SPON1: variants seen among roughly 807,000 people sequenced by gnomAD.
The protein encoded by SPON1 is spondin-1.
Under a neutral mutation model 111.7 loss-of-function variants are expected in SPON1, and 52 were observed. The observed-to-expected ratio is 0.47, with a 90% confidence interval of 0.37 to 0.59. The LOEUF is 0.59. SPON1 is among the 20% of genes least tolerant of loss of function. The pLI is 0.00. For synonymous variants in SPON1, 410 were observed against 395.8 expected (o/e 1.04, Z -0.43); for missense variants, 957 against 1,068.5 (o/e 0.90, Z 1.46).
At chr11:14,186,942 C>T (rs555860254) in intron 6 of SPON1, among the ~76,000 whole-genome samples, 1 of 152,274 alleles carries the variant, frequency 6.6e-6, no homozygotes, top group East Asian at 1.9e-4. Flanking sequence ...TATTATTAGT[C>T]CACTTTGCAT....
chr11:14,265,067 C>A (rs1274561601), intron 15 of SPON1, among the ~76,000 whole-genome samples: 1 of 152,180 alleles, frequency 6.6e-6, no homozygotes, highest in Non-Finnish European at 1.5e-5. Flanking sequence ...AGTTTGGACT[C>A]ATTCATGTGG....
At chr11:14,195,435 C>G (rs1215605856) in intron 6 of SPON1, among the ~76,000 whole-genome samples, 1 of 152,122 alleles carries the variant, frequency 6.6e-6, no homozygotes, top group Non-Finnish European at 1.5e-5. Flanking sequence ...AGGACAAAAG[C>G]TGGAATTATT....
At chr11:14,137,036 C>A (rs1554928165) in intron 6 of SPON1, among the ~76,000 whole-genome samples, 2 of 152,138 alleles carry the variant, frequency 1.3e-5, no homozygotes, top group African/African-American at 4.8e-5. Context: ...CCTTTTGTTA[C>A]AAATAGTAGT....
intron 5 of SPON1, among the ~76,000 whole-genome samples, chr11:14,087,959 T>C (rs993305239): frequency 2.0e-5 from 3 of 151,260 alleles, no homozygotes; most frequent in Admixed American, 6.6e-5. Flanking sequence ...CTAGGACTGC[T>C]TTTTTTGGCT....
chr11:14,074,246 A>G (rs782349847), intron 3 of SPON1, among the ~76,000 whole-genome samples: 4 of 152,216 alleles, frequency 2.6e-5, no homozygotes, highest in Non-Finnish European at 5.9e-5. Context: ...CATCTGTAGG[A>G]TGGTCAGAAT....
At chr11:14,160,877 T>TTTATATATA (rs1847931076) in intron 6 of SPON1, among the ~76,000 whole-genome samples, 1 of 27,896 alleles carries the variant, frequency 3.6e-5, no homozygotes, top group Non-Finnish European at 6.3e-5. Flanking sequence ...ATTTTTATAT[T>TTTATATATA]TTTATATATT....
chr11:14,260,730 G>C lies in SPON1; in HGVS notation c.1974G>C (p.Glu658Asp). 1 of 1,613,920 alleles carries C rather than the reference G, an allele frequency of 6.2e-7. No homozygotes were observed. Among genetic ancestry groups the C allele is most frequent in the Middle Eastern group, 1.6e-4 (1 of 6,062 alleles). Residue 658 changes from glutamate (E) to aspartate (D), a missense_variant, in exon 14 of 16, where the codon GAG becomes GAC. Glu to Asp is a conservative substitution (Grantham distance 45). Around this residue, in one of 5 missense-constraint regions of SPON1, gnomAD observed 549 missense variants for 606.2 expected, o/e 0.91. Coordinates refer to ENST00000576479, the MANE Select transcript of SPON1 (RefSeq NM_006108.4). ...GDCNEDLEQV[E>D]KCMLPECPID... Reference sequence around the variant, plus strand: ...GCAATGAGGATCTGGAGCAGGTGGAGAAGTGCATGCTCCCTGAATGCCGTA... The same window carrying C: ...GCAATGAGGATCTGGAGCAGGTGGACAAGTGCATGCTCCCTGAATGCCGTA...
rs552206696 is a variant in SPON1 at position 14,041,542 on chromosome 11, C to G, written c.367C>G (p.Gln123Glu). The change falls in exon 3 of 16, where the codon CAG (glutamine) becomes GAG (glutamate). Residue 123 changes from glutamine (Q) to glutamate (E), a missense_variant. By Grantham distance (29) the Gln-to-Glu change is conservative. Around this residue, in one of 5 missense-constraint regions of SPON1, gnomAD observed 262 missense variants for 253.9 expected, o/e 1.03. Transcript: ENST00000576479. ...GTAGATCATAGACGAAGAAGAAACT[C>G]AGTTTATGAGCAATTGCCCTGTTGC... ...TFQIIDEEET[Q>E]FMSNCPVAVT... 17 of 1,613,772 alleles carry G rather than the reference C, an allele frequency of 1.1e-5. No homozygotes were observed. Among genetic ancestry groups the G allele is most frequent in the Non-Finnish European group, 1.4e-5 (17 of 1,179,840 alleles).
At chr11:14,140,080 T>C (rs1193092581) in intron 6 of SPON1, among the ~76,000 whole-genome samples, 3 of 152,166 alleles carry the variant, frequency 2.0e-5, no homozygotes, top group Admixed American at 6.5e-5. Context: ...ACTATTTCCA[T>C]AGAAGGTACT....
In SPON1 at chr11:14,135,586, C is replaced by G; in HGVS notation, c.825+18C>G. Reference sequence around the variant, plus strand: ...GACAACAGGTAAGACAAAAAAATCACAGAATGACCAAATAACAGAAATGCA... The same window carrying G: ...GACAACAGGTAAGACAAAAAAATCAGAGAATGACCAAATAACAGAAATGCA... On this transcript the variant is annotated intron_variant, in intron 6 of 15. Transcript: ENST00000576479. This position sits in a 1 kb window ranked among gnomAD's most constrained non-coding sequence, Gnocchi z 4.4. 6.2e-7 allele frequency: 1 copy of G among 1,609,556 alleles called. No homozygotes were observed. Among genetic ancestry groups the G allele is most frequent in the African/African-American group, 1.3e-5 (1 of 74,962 alleles).
chr11:13,985,225 A>G (rs1467853594), intron 2 of SPON1, among the ~76,000 whole-genome samples: 1 of 152,184 alleles, frequency 6.6e-6, no homozygotes, highest in Non-Finnish European at 1.5e-5. Flanking sequence ...ACGTCAACAC[A>G]TCTGTCTGTT....
intron 5 of SPON1, among the ~76,000 whole-genome samples, chr11:14,088,666 G>C (rs1408467939): frequency 6.6e-6 from 1 of 152,022 alleles, no homozygotes; most frequent in African/African-American, 2.4e-5. Context: ...TCCTGAATTT[G>C]AATGTTGGCC....
intron 1 of SPON1, among the ~76,000 whole-genome samples, chr11:13,981,399 T>C (rs1848143058): frequency 6.6e-6 from 1 of 152,162 alleles, no homozygotes; most frequent in Non-Finnish European, 1.5e-5. Context: ...CAATCGCGGC[T>C]TACTGCAAGC....
In SPON1 at chr11:14,265,621, A is replaced by G; in HGVS notation, c.2358A>G (p.Lys786=). ...ACATGACTGTAAAGAAGAGATTCAA[A>G]AGCTCCCAGTTTACCAGCTGCAAAG... The part of the protein sequence containing the change: ...ERYMTVKKRF[K]SSQFTSCKDK... The change falls in exon 16 of 16, where the codon AAA becomes AAG. Residue 786 remains lysine (K), a synonymous_variant. Transcript: ENST00000576479. The G allele has an allele frequency of 6.2e-7, 1 of 1,613,776 alleles. No homozygotes were observed. Among genetic ancestry groups the G allele is most frequent in the Admixed American group, 1.7e-5 (1 of 59,988 alleles).
chr11:14,182,541 C>T (rs1848244966), intron 6 of SPON1, among the ~76,000 whole-genome samples: 1 of 152,142 alleles, frequency 6.6e-6, no homozygotes, highest in Admixed American at 6.5e-5. Context: ...TGCTTCAGTT[C>T]CTCCAGTGAC....
chr11:14,028,467 G>T (rs1848535201), intron 2 of SPON1, among the ~76,000 whole-genome samples: 1 of 151,800 alleles, frequency 6.6e-6, no homozygotes, highest in South Asian at 2.1e-4. Context: ...GTGAGACCCT[G>T]TCTCAAAAAT....
At chr11:14,125,213 G>T (rs1847441273) in intron 5 of SPON1, among the ~76,000 whole-genome samples, 1 of 152,234 alleles carries the variant, frequency 6.6e-6, no homozygotes, top group African/African-American at 2.4e-5. Context: ...AAACCAGGCA[G>T]GTTCTAGAAC....
At chr11:14,167,736 AACCCTGTTACTTGG>A (rs1390124357) in intron 6 of SPON1, among the ~76,000 whole-genome samples, 51 of 152,266 alleles carry the variant, frequency 3.3e-4, no homozygotes, top group Non-Finnish European at 1.9e-4. Context: ...TTTCTAAGAA[AACCCTGTTACTTGG>A]ACACATGGGC....
intron 3 of SPON1, among the ~76,000 whole-genome samples, chr11:14,071,467 C>G (rs1245775925): frequency 6.6e-6 from 1 of 152,096 alleles, no homozygotes; most frequent in African/African-American, 2.4e-5. Flanking sequence ...CATTCCCTCC[C>G]AGCTTTCCAG....
Sources: gnomAD v4.1 joint callset for allele counts (sites outside exome capture counted in the v4.1 genomes callset) on GRCh38, gnomAD v4.1.1 for gene constraint, gnomAD v4.1.1 regional missense constraint, Gnocchi (gnomAD v3.1) non-coding constraint, MANE v1.5 for transcripts, NCBI Gene and HGNC (gene_info 2026-07-23, HGNC 2026-07-21) for gene names.